TRPV4: variants seen among roughly 807,000 people sequenced by gnomAD.
The protein encoded by TRPV4 is transient receptor potential cation channel subfamily V member 4, also known as OSM9-like transient receptor potential channel 4.
In TRPV4, 58 loss-of-function variants were observed where a neutral mutation model predicts 84.1. That is an observed-to-expected ratio of 0.69 (90% confidence interval 0.56 to 0.86). The LOEUF is 0.86. TRPV4 is among the 40% of genes least tolerant of loss of function. The pLI is 0.00. For synonymous variants in TRPV4, 489 were observed against 500.9 expected (o/e 0.98, Z 0.32); for missense variants, 879 against 1,181.1 (o/e 0.74, Z 3.75).
intron 1 of TRPV4, among the ~76,000 whole-genome samples, chr12:109,828,213 T>G (rs1289777947): frequency 6.6e-6 from 1 of 152,204 alleles, no homozygotes; most frequent in Non-Finnish European, 1.5e-5. Flanking sequence ...TGACCTCATC[T>G]GGAGACCGGC....
Position 109,800,510 on chromosome 12 carries a change from C to T in TRPV4, c.853+108G>A, listed in dbSNP as rs55846482. 3.6e-3 allele frequency: 5,195 copies of T among 1,431,848 alleles called. 17 individuals are homozygous for T. Among genetic ancestry groups the T allele is most frequent in the Non-Finnish European group, 4.4e-3 (4,559 of 1,036,862 alleles). The allele number at this position is 1,431,848 out of a possible 1,614,324, so 88.7% of individuals were successfully genotyped here. On this transcript the variant is annotated intron_variant, in intron 5 of 15. Coordinates refer to ENST00000261740, the MANE Select transcript of TRPV4 (RefSeq NM_021625.5). ...CTGCCTGCGCTCATGGCCAGAGTGGCCCTGGGTGTCTGGGTGATGGTCAGG... is the reference window on the plus strand; with the variant it reads ...CTGCCTGCGCTCATGGCCAGAGTGGTCCTGGGTGTCTGGGTGATGGTCAGG...
At chr12:109,825,428 A>C (rs1361563547) in intron 1 of TRPV4, among the ~76,000 whole-genome samples, 2 of 152,088 alleles carry the variant, frequency 1.3e-5, no homozygotes, top group Non-Finnish European at 2.9e-5. Context: ...CCCCCATTTT[A>C]CAGATAAGGA....
chr12:109,803,231 G>A (rs901426675), intron 3 of TRPV4, 88 bp from the exon 4 acceptor site: 2 of 1,494,920 alleles, frequency 1.3e-6, no homozygotes, highest in African/African-American at 1.4e-5. Flanking sequence ...CTGGGTAGGG[G>A]GTCAGATGTC....
At chr12:109,792,038 A>C (rs113186359) in intron 12 of TRPV4, among the ~76,000 whole-genome samples, 26,055 of 149,622 alleles carry the variant, frequency 0.17, 2,406 homozygotes, top group Admixed American at 0.23. Context: ...CAAGACCAGC[A>C]TGGCCAACAT....
At chr12:109,817,720 C>G (rs773823250) in intron 1 of TRPV4, among the ~76,000 whole-genome samples, 12 of 152,236 alleles carry the variant, frequency 7.9e-5, no homozygotes, top group African/African-American at 1.2e-4. Context: ...GTGCCCAGCA[C>G]AGGGCCTCAT....
At chr12:109,797,043 C>A (rs1225251379) in intron 6 of TRPV4, among the ~76,000 whole-genome samples, 2 of 152,162 alleles carry the variant, frequency 1.3e-5, no homozygotes, top group Non-Finnish European at 2.9e-5. Context: ...ATAATACTGA[C>A]GATCACATGC....
intron 14 of TRPV4, 112 bp from the exon 15 acceptor site, chr12:109,784,549 G>A: frequency 6.5e-7 from 1 of 1,530,208 alleles, no homozygotes; most frequent in South Asian, 1.1e-5. Flanking sequence ...ACATAACAAG[G>A]CTGGGCGTGG....
intron 2 of TRPV4, among the ~76,000 whole-genome samples, chr12:109,811,794 G>C (rs1363098270): frequency 6.6e-6 from 1 of 152,110 alleles, no homozygotes; most frequent in Non-Finnish European, 1.5e-5. Context: ...GTGGCCAGCA[G>C]GGGGACAGAG....
At chr12:109,804,776 A>G (rs56314945) in intron 3 of TRPV4, among the ~76,000 whole-genome samples, 50,298 of 151,978 alleles carry the variant, frequency 0.33, 9,605 homozygotes, top group South Asian at 0.55. Context: ...CATCCCTCTC[A>G]CATGCCTAAG....
chr12:109,799,182 T>G (rs1396973611), intron 5 of TRPV4, among the ~76,000 whole-genome samples: 1 of 149,916 alleles, frequency 6.7e-6, no homozygotes, highest in Admixed American at 6.6e-5. Flanking sequence ...AGACAAAGTC[T>G]CACTCTGTCG....
intron 1 of TRPV4, among the ~76,000 whole-genome samples, chr12:109,825,032 C>G (rs1372543881): frequency 6.6e-6 from 1 of 151,762 alleles, no homozygotes; most frequent in East Asian, 2.0e-4. Flanking sequence ...TGGTGTATAG[C>G]ACATTCATGC....
At position 109,792,414 on chromosome 12, in the gene TRPV4, G is replaced by T. The variant is rs1330747174; in HGVS notation, c.1840C>A (p.Leu614Ile). 6.2e-7 allele frequency: 1 copy of T among 1,613,972 alleles called. No homozygotes were observed. ...AAGTAGACGAGCAGGAATCGGAAAAGGTCCTTGAAGAGAATCTAAAGACCC... is the reference window on the plus strand; with the variant it reads ...AAGTAGACGAGCAGGAATCGGAAAATGTCCTTGAAGAGAATCTAAAGACCC... ...IMIQKILFKD[L>I]FRFLLVYLLF... Residue 614 changes from leucine (L) to isoleucine (I), a missense_variant, in exon 12 of 16, where the codon CTT (leucine) becomes ATT (isoleucine). Around this residue, in one of 4 missense-constraint regions of TRPV4, gnomAD observed 242 missense variants for 355.3 expected, o/e 0.68. Transcript: ENST00000261740.
intron 12 of TRPV4, among the ~76,000 whole-genome samples, chr12:109,791,040 AC>A (rs1161067846): frequency 2.0e-5 from 3 of 152,138 alleles, no homozygotes; most frequent in Non-Finnish European, 4.4e-5. Flanking sequence ...GATCAGCCAA[AC>A]CTGGCCCAGG....
At position 109,807,948 on chromosome 12, in the gene TRPV4, C is replaced by G. The variant is rs958642493; in HGVS notation, c.559+348G>C. Among the ~76,000 whole-genome samples the G allele has an allele frequency of 2.6e-5, 4 of 152,184 alleles. No homozygotes were observed. In the East Asian group the frequency reaches 7.7e-4, roughly 29 times the overall value. On this transcript the variant is annotated intron_variant, in intron 3 of 15. Transcript: ENST00000261740. Reference sequence around the variant, plus strand: ...CCAGGAGTATGCTATGATTATTCCCCAGTTTACAGATGAGGAAACGGAGGC... The same window carrying G: ...CCAGGAGTATGCTATGATTATTCCCGAGTTTACAGATGAGGAAACGGAGGC...
chr12:109,800,829 G>A, intron 4 of TRPV4, 71 bp from the exon 5 acceptor site: 1 of 1,294,698 alleles, frequency 7.7e-7, no homozygotes, highest in South Asian at 1.2e-5. Context: ...GGGGGTGGGG[G>A]TAGGGTGCAG....
chr12:109,783,919 CTG>C lies in TRPV4; in HGVS notation c.2459-143_2459-142del. The C allele has an allele frequency of 2.8e-6, 3 of 1,087,184 alleles. No individual in the cohort carries two copies. The highest frequency in any genetic ancestry group is 3.9e-6 in the Non-Finnish European group (3 of 759,764). 67.3% of individuals were successfully genotyped at this position (1,087,184 alleles called of 1,614,324 possible). ...TATGCTCATTTTACAGAGGTGGAAA[CTG>C]GGGCTCAAGAGAGGTCAAGGTGCCT... On this transcript the variant is annotated intron_variant, in intron 15 of 15. Coordinates refer to ENST00000261740, the MANE Select transcript of TRPV4 (RefSeq NM_021625.5). This position sits in a 1 kb window ranked among gnomAD's most constrained non-coding sequence, Gnocchi z 4.6.
chr12:109,819,082 T>TAC (rs142787399), intron 1 of TRPV4, among the ~76,000 whole-genome samples: 235 of 150,036 alleles, frequency 1.6e-3, no homozygotes, highest in Admixed American at 3.5e-3. Flanking sequence ...TAGGCATGTG[T>TAC]ACACACACAC....
intron 1 of TRPV4, among the ~76,000 whole-genome samples, chr12:109,827,957 G>A (rs1481226300): frequency 1.3e-5 from 2 of 151,948 alleles, no homozygotes; most frequent in Admixed American, 1.3e-4. Flanking sequence ...CACACACACA[G>A]GGAATGGTCC....
chr12:109,816,204 A>C (rs2136672808), intron 1 of TRPV4, among the ~76,000 whole-genome samples: 1 of 152,322 alleles, frequency 6.6e-6, no homozygotes, highest in Admixed American at 6.5e-5. Flanking sequence ...GGCCTCCCTT[A>C]GTGGGCGCAG....
Sources: allele counts gnomAD v4.1 joint callset (sites outside exome capture counted in the v4.1 genomes callset), GRCh38; gene constraint gnomAD v4.1.1; regional missense constraint gnomAD v4.1.1; non-coding constraint Gnocchi (gnomAD v3.1); transcripts MANE v1.5; gene names NCBI Gene and HGNC (gene_info 2026-07-23, HGNC 2026-07-21).